The following FMN1 variants were observed in gnomAD, a reference collection of about 807,000 sequenced individuals.
The protein encoded by FMN1 is formin-1.
In FMN1, 110 loss-of-function variants were observed where a neutral mutation model predicts 132.4. The observed-to-expected ratio is 0.83, with a 90% CI of 0.71 to 0.97. The LOEUF is 0.97. Among genes scored for constraint, FMN1 ranks in the 50% least tolerant of loss-of-function variants. The probability of loss-of-function intolerance (pLI) is 0.00; values close to 1 mark genes in which losing one functional copy is unlikely to be tolerated. For synonymous variants in FMN1, 722 were observed against 651.7 expected (o/e 1.11, Z -1.64); for missense variants, 1,792 against 1,705.3 (o/e 1.05, Z -0.90).
intron 9 of FMN1, among the ~76,000 whole-genome samples, chr15:32,951,160 T>C (rs886272526): frequency 6.6e-6 from 1 of 152,194 alleles, no homozygotes; most frequent in African/African-American, 2.4e-5. Context: ...ATTCTACATA[T>C]GTTTATTTAT....
At chr15:33,043,406 C>T (rs73376618) in intron 6 of FMN1, among the ~76,000 whole-genome samples, 2 of 152,306 alleles carry the variant, frequency 1.3e-5, no homozygotes, top group South Asian at 2.1e-4. Flanking sequence ...CTGTAACCAA[C>T]CCAGTTGTTC....
chr15:33,033,663 C>T (rs2036051000), intron 6 of FMN1, among the ~76,000 whole-genome samples: 1 of 67,122 alleles, frequency 1.5e-5, no homozygotes, highest in East Asian at 2.4e-4. Flanking sequence ...CACCAGCTAC[C>T]TCATGGTTTT....
intron 7 of FMN1, among the ~76,000 whole-genome samples, chr15:32,996,925 G>C (rs941776816): frequency 5.9e-5 from 9 of 152,116 alleles, no homozygotes; most frequent in African/African-American, 1.4e-4. Context: ...GACTATACTG[G>C]AGAAGATTAA....
chr15:32,800,306 A>G (rs2123067), intron 18 of FMN1, among the ~76,000 whole-genome samples: 57,856 of 152,036 alleles, frequency 0.38, 11,326 homozygotes, highest in Middle Eastern at 0.48. Flanking sequence ...AAGACTGGAA[A>G]TGTGTAAGTG....
At chr15:32,831,967 G>C (rs1237438702) in intron 17 of FMN1, among the ~76,000 whole-genome samples, 2 of 152,100 alleles carry the variant, frequency 1.3e-5, no homozygotes, top group Non-Finnish European at 2.9e-5. Context: ...GTGAACTTTT[G>C]TAACTCTTTA....
Position 33,022,439 on chromosome 15 carries a change from C to G in FMN1, c.2162-14364G>C, listed in dbSNP as rs530902551. Among the ~76,000 whole-genome samples, 31 of 152,240 alleles carry G rather than the reference C, an allele frequency of 2.0e-4. 1 individual carries two copies. In the South Asian group the frequency reaches 2.9e-3, roughly 14 times the overall value. On this transcript the variant is annotated intron_variant, in intron 6 of 20. Coordinates refer to ENST00000616417, the MANE Select transcript of FMN1 (RefSeq NM_001277313.2). ...AAGTGGACTAGTATGGATATGGTAACTAGCTGAGAAATATCAGAACAAATA... is the reference window on the plus strand; with the variant it reads ...AAGTGGACTAGTATGGATATGGTAAGTAGCTGAGAAATATCAGAACAAATA...
chr15:33,013,105 G>T (rs1596469119), intron 6 of FMN1: 5 of 411,388 alleles, frequency 1.2e-5, no homozygotes, highest in South Asian at 9.2e-5. Flanking sequence ...GGAGAGTAGA[G>T]CCAGAGAAGT....
At chr15:33,073,811 C>G (rs758096365) in intron 5 of FMN1, among the ~76,000 whole-genome samples, 55 of 151,600 alleles carry the variant, frequency 3.6e-4, no homozygotes, top group Middle Eastern at 3.4e-3. Context: ...GCTCAGGCAG[C>G]CTTCACCTCC....
intron 20 of FMN1, 26 bp from the exon 21 acceptor site, chr15:32,774,380 A>C (rs1357887600): frequency 6.5e-7 from 1 of 1,548,942 alleles, no homozygotes; most frequent in Non-Finnish European, 8.8e-7. Flanking sequence ...AAATGAATGT[A>C]TCATTTTCTT....
intron 4 of FMN1, among the ~76,000 whole-genome samples, chr15:33,118,018 ATAGT>A (rs1156423095): frequency 1.3e-5 from 2 of 152,190 alleles, no homozygotes; most frequent in African/African-American, 2.4e-5. Context: ...AAATAATGAT[ATAGT>A]GTGTTGTGAA....
chr15:32,791,806 T>G (rs2057089230), intron 19 of FMN1, among the ~76,000 whole-genome samples: 1 of 152,148 alleles, frequency 6.6e-6, no homozygotes, highest in African/African-American at 2.4e-5. Flanking sequence ...AATTGAAAGT[T>G]AGGGAGCCTA....
intron 3 of FMN1, among the ~76,000 whole-genome samples, chr15:33,169,152 A>G (rs1472517989): frequency 1.3e-5 from 2 of 152,248 alleles, no homozygotes; most frequent in South Asian, 2.1e-4. Flanking sequence ...TGAGCTCAAT[A>G]GAAAGGCAAA....
chr15:33,110,794 T>C (rs374476053), intron 4 of FMN1, among the ~76,000 whole-genome samples: 1 of 152,102 alleles, frequency 6.6e-6, no homozygotes, highest in African/African-American at 2.4e-5. Context: ...TTCTCTGTTA[T>C]TAAAACAAAA....
intron 4 of FMN1, among the ~76,000 whole-genome samples, chr15:33,127,620 A>G (rs1423468478): frequency 1.4e-5 from 2 of 145,310 alleles, no homozygotes; most frequent in Non-Finnish European, 3.1e-5. Context: ...AAGTTAAAAC[A>G]CAAGTATTTT....
intron 16 of FMN1, among the ~76,000 whole-genome samples, chr15:32,866,939 A>C (rs2059405825): frequency 6.6e-6 from 1 of 152,102 alleles, no homozygotes; most frequent in Non-Finnish European, 1.5e-5. Context: ...CAGAGTCATT[A>C]AACGTTAAAG....
intron 9 of FMN1, among the ~76,000 whole-genome samples, chr15:32,934,616 T>G (rs76286812): frequency 6.9e-4 from 102 of 148,568 alleles, no homozygotes; most frequent in South Asian, 2.1e-3. Context: ...TTTTTTTTTT[T>G]GGGTGGGGAG....
intron 6 of FMN1, among the ~76,000 whole-genome samples, chr15:33,022,194 AT>A (rs1398111903): frequency 1.3e-5 from 2 of 152,190 alleles, no homozygotes; most frequent in Non-Finnish European, 2.9e-5. Flanking sequence ...TTTTATTTGT[AT>A]GATGTTTTGG....
intron 4 of FMN1, among the ~76,000 whole-genome samples, chr15:33,107,181 G>A (rs1314081165): frequency 3.3e-5 from 5 of 151,828 alleles, no homozygotes; most frequent in Admixed American, 6.6e-5. Flanking sequence ...TTATAAGCAA[G>A]ACCTGTTTGC....
At chr15:33,051,357 G>T (rs893564069) in intron 6 of FMN1, among the ~76,000 whole-genome samples, 1 of 152,168 alleles carries the variant, frequency 6.6e-6, no homozygotes, top group South Asian at 2.1e-4. Flanking sequence ...AACTAAACTG[G>T]AAGTCAGAAG....
Sources: allele counts gnomAD v4.1 joint callset (sites outside exome capture counted in the v4.1 genomes callset), GRCh38; gene constraint gnomAD v4.1.1; transcripts MANE v1.5; gene names NCBI Gene and HGNC (gene_info 2026-07-23, HGNC 2026-07-21).